The following RBM20 variants were observed in gnomAD, a reference collection of about 807,000 sequenced individuals.
RBM20 encodes the protein RNA-binding protein 20.
Under a neutral mutation model 110.1 loss-of-function variants are expected in RBM20, and 51 were observed. That is an observed-to-expected ratio of 0.46 (90% CI 0.37 to 0.59). The LOEUF is 0.59. Ranked by LOEUF, RBM20 falls within the 20% of genes least tolerant of loss-of-function variation. The pLI is 0.00. For synonymous variants in RBM20, 589 were observed against 618.2 expected, an observed-to-expected ratio of 0.95 and a Z score of 0.70; for missense variants, 1,512 against 1,574.9, an observed-to-expected ratio of 0.96 and a Z score of 0.68.
chr10:110,773,847 A>G (rs1357467643), intron 1 of RBM20, among the ~76,000 whole-genome samples: 1 of 152,156 alleles, frequency 6.6e-6, no homozygotes, highest in Non-Finnish European at 1.5e-5. Flanking sequence ...TGGTTCTGAG[A>G]CTGTGCTCTG....
rs996538740 is a variant in RBM20 at position 110,812,824 on chromosome 10, A to G, written c.2427A>G (p.Pro809=). ...CAGGCAAGGAAGATGGGCTGGGGCC[A>G]AAGGTCACTAGGGCCCCTGAGGGCG... ...DDSGKEDGLG[P]KVTRAPEGAK... is the part of the protein sequence containing the mutation. Residue 809 remains proline, a synonymous_variant, in exon 9 of 14, where the codon CCA becomes CCG. Transcript: ENST00000369519. The G allele has an allele frequency of 1.9e-6, 3 of 1,546,876 alleles. No individual in the cohort carries two copies. Among genetic ancestry groups the G allele is most frequent in the African/African-American group, 2.7e-5 (2 of 72,918 alleles).
At chr10:110,743,207 G>T (rs1843740759) in intron 1 of RBM20, among the ~76,000 whole-genome samples, 1 of 152,144 alleles carries the variant, frequency 6.6e-6, no homozygotes, top group African/African-American at 2.4e-5. Context: ...GAAAAAAAAG[G>T]CTTATGAGCT....
chr10:110,831,103 T>C lies in RBM20; in HGVS notation c.3494T>C (p.Leu1165Pro), dbSNP rs1341670588. 2 of 1,551,442 alleles carry C rather than the reference T, an allele frequency of 1.3e-6. No individual in the cohort carries two copies. Among genetic ancestry groups the C allele is most frequent in the Non-Finnish European group, 1.7e-6 (2 of 1,146,918 alleles). ...VVPRTGFYCK[L>P]CGLFYTSEET... Reference sequence around the variant, plus strand: ...CCCAGGACTGGCTTTTATTGCAAGCTGTGTGGGCTGTTCTACACGAGCGAG... The same window carrying C: ...CCCAGGACTGGCTTTTATTGCAAGCCGTGTGGGCTGTTCTACACGAGCGAG... Residue 1165 changes from leucine to proline, a missense_variant, in exon 13 of 14, where the codon CTG becomes CCG. This residue lies in a region of RBM20 where 358 missense variants were observed against 384.2 expected (regional missense o/e 0.93). Transcript: ENST00000369519.
intron 7 of RBM20, among the ~76,000 whole-genome samples, chr10:110,800,180 A>G (rs950847620): frequency 1.3e-5 from 2 of 152,220 alleles, no homozygotes; most frequent in East Asian, 3.8e-4. Context: ...TCACAGGGGA[A>G]CTTTTAAAGG....
chr10:110,760,009 G>C (rs1420574549), intron 1 of RBM20, among the ~76,000 whole-genome samples: 2 of 152,194 alleles, frequency 1.3e-5, no homozygotes, highest in African/African-American at 4.8e-5. Flanking sequence ...GTGGTGGGGG[G>C]CACAGGGGAA....
At position 110,838,984 on chromosome 10, in the gene RBM20, A is replaced by G. The variant is rs928871267; in HGVS notation, c.*3006A>G. 6.6e-6 allele frequency: 1 copy of G among 152,180 alleles called. No individual in the cohort carries two copies. The highest frequency in any genetic ancestry group is 2.4e-5 in the African/African-American group (1 of 41,448). The allele number at this position is 152,180 out of a possible 1,614,324, so 9.4% of individuals were successfully genotyped here. On this transcript the variant is annotated 3_prime_UTR_variant, in exon 14 of 14. Coordinates refer to ENST00000369519, the MANE Select transcript of RBM20 (RefSeq NM_001134363.3). The stretch of plus-strand genomic sequence containing the variant: ...CAGGTAAATATTGATTTATTTTTTA[A>G]AGCTTTTCTTCAGTGTTTTGTCAAC...
intron 12 of RBM20, among the ~76,000 whole-genome samples, chr10:110,825,564 C>A (rs1442930425): frequency 1.3e-5 from 2 of 152,238 alleles, no homozygotes; most frequent in Admixed American, 6.5e-5. Context: ...TCACACTACA[C>A]ACATAATGTT....
chr10:110,715,925 TCCC>T (rs775076202), intron 1 of RBM20, among the ~76,000 whole-genome samples: 23 of 152,132 alleles, frequency 1.5e-4, no homozygotes, highest in Non-Finnish European at 2.4e-4. Flanking sequence ...GAAAGCGTAA[TCCC>T]CCTGTGTGCC....
intron 7 of RBM20, among the ~76,000 whole-genome samples, chr10:110,802,223 A>G (rs192924261): frequency 1.8e-4 from 27 of 152,288 alleles, no homozygotes; most frequent in African/African-American, 6.3e-4. Context: ...TTAGAAGACA[A>G]AGGCTTAGTG....
chr10:110,686,163 G>A (rs1590616803), intron 1 of RBM20, among the ~76,000 whole-genome samples: 3 of 152,134 alleles, frequency 2.0e-5, no homozygotes, highest in Admixed American at 1.3e-4. Flanking sequence ...AAGGTACAGC[G>A]CTACATGACA....
intron 1 of RBM20, among the ~76,000 whole-genome samples, chr10:110,764,031 C>A (rs1008709627): frequency 3.9e-5 from 6 of 152,180 alleles, no homozygotes; most frequent in South Asian, 2.1e-4. Context: ...CTGCTTAGAG[C>A]AAAGGAGAAC....
At chr10:110,756,970 G>C (rs1440983715) in intron 1 of RBM20, among the ~76,000 whole-genome samples, 3 of 152,144 alleles carry the variant, frequency 2.0e-5, no homozygotes, top group Non-Finnish European at 2.9e-5. Flanking sequence ...GCAAACAATT[G>C]CCATGTGCTC....
rs544994168 is a variant in RBM20 at position 110,820,861 on chromosome 10, C to T, written c.2656-414C>T. Among the ~76,000 whole-genome samples, 16 of 152,190 alleles carry T rather than the reference C, an allele frequency of 1.1e-4. No homozygotes were observed. In the South Asian group the frequency reaches 1.2e-3, roughly 12 times the overall value. The stretch of plus-strand genomic sequence containing the variant: ...AGCTTTGGCTGTGGGAGTGTATGTA[C>T]CCCTGCTGGGAGAGGGTGCTTGGGG... On this transcript the variant is annotated intron_variant, in intron 10 of 13. Coordinates refer to ENST00000369519, the MANE Select transcript of RBM20 (RefSeq NM_001134363.3).
rs148805296 is a variant in RBM20 at position 110,645,156 on chromosome 10, G to C, written c.191+511G>C. ...TGAAAGTGTAGACACTTTTCAAGAA[G>C]GCCTTTTCGAAGAGTTTAGCTACGC... is the stretch of plus-strand genomic sequence containing the variant. On this transcript the variant is annotated intron_variant, in intron 1 of 13. Coordinates refer to ENST00000369519, the MANE Select transcript of RBM20 (RefSeq NM_001134363.3). Among the ~76,000 whole-genome samples, 1,267 of 152,264 alleles carry C rather than the reference G, an allele frequency of 8.3e-3. 18 individuals are homozygous for C. Among genetic ancestry groups the C allele is most frequent in the African/African-American group, 0.028 (1,162 of 41,528 alleles).
chr10:110,727,328 T>C, intron 1 of RBM20, among the ~76,000 whole-genome samples: 1 of 149,630 alleles, frequency 6.7e-6, no homozygotes, highest in Non-Finnish European at 1.5e-5. Context: ...GTGTCAGGTG[T>C]GGGCTGCAAT....
intron 1 of RBM20, among the ~76,000 whole-genome samples, chr10:110,710,643 C>T (rs1226225573): frequency 6.6e-6 from 1 of 152,236 alleles, no homozygotes; most frequent in Non-Finnish European, 1.5e-5. Context: ...TCCTTCCCTC[C>T]CCCTTCCCCT....
chr10:110,826,284 A>G (rs1212960586), intron 12 of RBM20, among the ~76,000 whole-genome samples: 1 of 152,210 alleles, frequency 6.6e-6, no homozygotes, highest in African/African-American at 2.4e-5. Context: ...AGTGCATATC[A>G]AGTGCATAGT....
At chr10:110,728,934 T>C (rs747074249) in intron 1 of RBM20, among the ~76,000 whole-genome samples, 18 of 152,328 alleles carry the variant, frequency 1.2e-4, no homozygotes, top group Non-Finnish European at 2.6e-4. Flanking sequence ...CTGGTCCCTG[T>C]CACACCCAGG....
chr10:110,767,334 T>G (rs1410139247), intron 1 of RBM20, among the ~76,000 whole-genome samples: 17 of 98,520 alleles, frequency 1.7e-4, no homozygotes, highest in South Asian at 3.6e-4. Context: ...GCTAGCCGGG[T>G]GGGGGGCTGA....
Sources: gnomAD v4.1 joint callset for allele counts (sites outside exome capture counted in the v4.1 genomes callset) on GRCh38, gnomAD v4.1.1 for gene constraint, gnomAD v4.1.1 regional missense constraint, MANE v1.5 for transcripts, NCBI Gene and HGNC (gene_info 2026-07-23, HGNC 2026-07-21) for gene names.